Variants in CNTN5 observed in about 807,000 individuals in gnomAD.
The protein encoded by CNTN5 is contactin 5, also known as contactin-5.
CNTN5 carries 77 observed loss-of-function variants against 129.1 expected under a neutral mutation model. The ratio of observed to expected loss-of-function variants is 0.60; its 90% confidence interval spans 0.50 to 0.72. The LOEUF is 0.72. Ranked by LOEUF, CNTN5 falls within the 30% of genes least tolerant of loss-of-function variation. The probability of loss-of-function intolerance (pLI) is 0.00; values close to 1 mark genes in which losing one functional copy is unlikely to be tolerated. For missense variants in CNTN5, 1,478 were observed against 1,328.8 expected, an observed-to-expected ratio of 1.11 and a Z score of -1.75; for synonymous variants, 509 against 465.6, an observed-to-expected ratio of 1.09 and a Z score of -1.20.
At chr11:100,049,756 A>G (rs1260181146) in intron 9 of CNTN5, among the ~76,000 whole-genome samples, 2 of 147,690 alleles carry the variant, frequency 1.4e-5, no homozygotes, top group East Asian at 1.9e-4. Context: ...AGAATCTACA[A>G]TGAACTCCAA....
chr11:99,954,749 G>T (rs1405014504), intron 7 of CNTN5, among the ~76,000 whole-genome samples: 3 of 152,026 alleles, frequency 2.0e-5, no homozygotes, highest in Non-Finnish European at 4.4e-5. Context: ...TTCATTTTTG[G>T]CACTGGCAGA....
chr11:99,058,686 T>G (rs1201239351), intron 1 of CNTN5, among the ~76,000 whole-genome samples: 1 of 151,832 alleles, frequency 6.6e-6, no homozygotes, highest in African/African-American at 2.4e-5. Flanking sequence ...GTCCTATGCT[T>G]GCTTCTCCAA....
chr11:99,446,670 G>A lies in CNTN5; in HGVS notation c.-70-109475G>A, dbSNP rs149205510. ...GATTTATAGAAGCAAGGTTTTATCC[G>A]AATGAATACAATTTATTTTGCCTGT... On this transcript the variant is annotated intron_variant, in intron 2 of 24. Transcript: ENST00000524871. Among the ~76,000 whole-genome samples the A allele has an allele frequency of 4.6e-5, 7 of 152,206 alleles. No homozygotes were observed. The East Asian group carries it at 1.4e-3, about 29-fold the overall frequency.
At chr11:99,654,344 T>C (rs1400333253) in intron 3 of CNTN5, among the ~76,000 whole-genome samples, 1 of 152,082 alleles carries the variant, frequency 6.6e-6, no homozygotes, top group Admixed American at 6.6e-5. Flanking sequence ...AGGAGCTTGC[T>C]AAGGGGTGTA....
intron 21 of CNTN5, among the ~76,000 whole-genome samples, chr11:100,315,901 A>T (rs984607191): frequency 2.6e-5 from 4 of 152,308 alleles, no homozygotes; most frequent in South Asian, 2.1e-4. Flanking sequence ...TATGATATGC[A>T]GCATGATTGA....
chr11:99,503,099 T>C (rs1346102028), intron 2 of CNTN5, among the ~76,000 whole-genome samples: 1 of 152,246 alleles, frequency 6.6e-6, no homozygotes, highest in Non-Finnish European at 1.5e-5. Flanking sequence ...TTTTAATTTT[T>C]ACTTGCAGTT....
chr11:100,020,965 GAATT>G (rs1941108055), intron 9 of CNTN5, among the ~76,000 whole-genome samples: 1 of 152,046 alleles, frequency 6.6e-6, no homozygotes, highest in Admixed American at 6.6e-5. Flanking sequence ...TGGATTGAAA[GAATT>G]AATATTGTTA....
At chr11:100,190,006 T>C (rs1183004886) in intron 13 of CNTN5, among the ~76,000 whole-genome samples, 1 of 152,138 alleles carries the variant, frequency 6.6e-6, no homozygotes, top group African/African-American at 2.4e-5. Flanking sequence ...CTAATATCAA[T>C]TGTTACGAAG....
chr11:99,315,467 T>C (rs916978808), intron 1 of CNTN5, among the ~76,000 whole-genome samples: 1 of 149,394 alleles, frequency 6.7e-6, no homozygotes, highest in African/African-American at 2.4e-5. Flanking sequence ...CAGGTTGAAC[T>C]TTGGAGATGG....
intron 8 of CNTN5, among the ~76,000 whole-genome samples, chr11:99,962,114 TTACTC>T (rs10596465): frequency 0.22 from 33,545 of 151,948 alleles, 4,360 homozygotes; most frequent in African/African-American, 0.35. Flanking sequence ...AAACATAAAA[TTACTC>T]TAAGGAAGAC....
At chr11:100,258,340 G>A (rs1310991675) in intron 17 of CNTN5, among the ~76,000 whole-genome samples, 1 of 152,074 alleles carries the variant, frequency 6.6e-6, no homozygotes, top group Non-Finnish European at 1.5e-5. Flanking sequence ...ACAGGGAGAT[G>A]GGAACCAAGT....
chr11:99,195,862 A>G (rs777865464), intron 1 of CNTN5, among the ~76,000 whole-genome samples: 3 of 152,004 alleles, frequency 2.0e-5, no homozygotes, highest in Non-Finnish European at 4.4e-5. Flanking sequence ...CAATTTATTT[A>G]TATTTTACTT....
chr11:99,568,665 T>C (rs1021888428), intron 3 of CNTN5, among the ~76,000 whole-genome samples: 13 of 152,368 alleles, frequency 8.5e-5, no homozygotes, highest in Non-Finnish European at 7.3e-5. Flanking sequence ...ATCTCCTTTA[T>C]ATTAAACAAA....
At chr11:99,553,289 C>A (rs1474108566) in intron 2 of CNTN5, among the ~76,000 whole-genome samples, 1 of 152,052 alleles carries the variant, frequency 6.6e-6, no homozygotes, top group Non-Finnish European at 1.5e-5. Context: ...TAAACTGGTA[C>A]ATTAAACTGG....
intron 3 of CNTN5, among the ~76,000 whole-genome samples, chr11:99,675,730 C>A (rs1591462700): frequency 6.6e-6 from 1 of 151,976 alleles, no homozygotes. Context: ...AATGGAAATT[C>A]TTTAAAATTC....
At chr11:99,598,621 CT>C (rs61241880) in intron 3 of CNTN5, among the ~76,000 whole-genome samples, 127 of 145,268 alleles carry the variant, frequency 8.7e-4, no homozygotes, top group Middle Eastern at 7.3e-3. Context: ...AAAAAGATAG[CT>C]TTTTTTTTTT....
At chr11:99,062,716 C>T (rs771801289) in intron 1 of CNTN5, among the ~76,000 whole-genome samples, 15 of 150,974 alleles carry the variant, frequency 9.9e-5, no homozygotes, top group Non-Finnish European at 2.2e-4. Flanking sequence ...ATAATAAAAT[C>T]ACTTAAAGTC....
At chr11:100,259,358 C>T (rs1950148982) in intron 17 of CNTN5, among the ~76,000 whole-genome samples, 1 of 152,078 alleles carries the variant, frequency 6.6e-6, no homozygotes, top group Admixed American at 6.5e-5. Flanking sequence ...GAGACTTTAA[C>T]ACCCCACTAT....
intron 2 of CNTN5, among the ~76,000 whole-genome samples, chr11:99,394,781 G>A (rs1430473735): frequency 1.3e-5 from 2 of 151,742 alleles, no homozygotes; most frequent in Admixed American, 6.6e-5. Flanking sequence ...AGTTATAAGT[G>A]ATAACATGTG....
Sources: gnomAD v4.1 joint callset for allele counts (sites outside exome capture counted in the v4.1 genomes callset) on GRCh38, gnomAD v4.1.1 for gene constraint, MANE v1.5 for transcripts, NCBI Gene and HGNC (gene_info 2026-07-23, HGNC 2026-07-21) for gene names.